Variants in MACROD2 observed in about 807,000 individuals in gnomAD.
MACROD2 encodes mono-ADP ribosylhydrolase 2.
A neutral mutation model predicts 70.4 loss-of-function variants in MACROD2; 36 were observed. The observed-to-expected ratio is 0.51, with a 90% CI of 0.39 to 0.68. The LOEUF is 0.68. Among genes scored for constraint, MACROD2 ranks in the 30% least tolerant of loss-of-function variants. MACROD2 has a pLI of 0.00. For missense variants in MACROD2, 496 were observed against 538.4 expected, an observed-to-expected ratio of 0.92 and a Z score of 0.78; for synonymous variants, 172 against 178.8, an observed-to-expected ratio of 0.96 and a Z score of 0.30.
intron 8 of MACROD2, among the ~76,000 whole-genome samples, chr20:15,608,420 C>T (rs200738): frequency 1.1e-4 from 16 of 152,010 alleles, no homozygotes; most frequent in East Asian, 9.7e-4. Flanking sequence ...CCTTTCTCTG[C>T]GTAGCTGTTA....
At chr20:15,120,935 A>G (rs1270829688) in intron 5 of MACROD2, among the ~76,000 whole-genome samples, 2 of 152,066 alleles carry the variant, frequency 1.3e-5, no homozygotes, top group Non-Finnish European at 2.9e-5. Flanking sequence ...TCAACCATTA[A>G]CACCATACCT....
chr20:14,251,122 G>A (rs2082008930), intron 3 of MACROD2, among the ~76,000 whole-genome samples: 1 of 152,060 alleles, frequency 6.6e-6, no homozygotes, highest in Non-Finnish European at 1.5e-5. Context: ...ATGTGTTTGA[G>A]GACCTATGTA....
At chr20:14,235,707 A>G (rs1337133438) in intron 3 of MACROD2, among the ~76,000 whole-genome samples, 1 of 152,054 alleles carries the variant, frequency 6.6e-6, no homozygotes, top group Non-Finnish European at 1.5e-5. Context: ...TTTTTTCACG[A>G]TTCATTTAAC....
At chr20:14,915,040 G>A (rs1043525992) in intron 5 of MACROD2, among the ~76,000 whole-genome samples, 9 of 152,160 alleles carry the variant, frequency 5.9e-5, no homozygotes, top group African/African-American at 2.2e-4. Context: ...ACACATGGTT[G>A]GATTAAAAAT....
At chr20:14,204,681 C>G (rs2081508780) in intron 3 of MACROD2, among the ~76,000 whole-genome samples, 1 of 152,180 alleles carries the variant, frequency 6.6e-6, no homozygotes, top group Non-Finnish European at 1.5e-5. Context: ...CCGGCCAGGC[C>G]AGCTGTTTCA....
chr20:14,258,865 C>A (rs1400829781), intron 3 of MACROD2, among the ~76,000 whole-genome samples: 1 of 152,126 alleles, frequency 6.6e-6, no homozygotes, highest in Non-Finnish European at 1.5e-5. Context: ...AGTCTTTGAT[C>A]CATCTTGAGT....
At chr20:14,753,653 C>T (rs552160739) in intron 5 of MACROD2, among the ~76,000 whole-genome samples, 20 of 152,226 alleles carry the variant, frequency 1.3e-4, no homozygotes, top group Admixed American at 6.5e-4. Context: ...TCTTGCTTTA[C>T]ATTATCATGA....
At chr20:14,076,266 A>G (rs2053915162) in intron 2 of MACROD2, among the ~76,000 whole-genome samples, 1 of 152,196 alleles carries the variant, frequency 6.6e-6, no homozygotes. Flanking sequence ...AGGAAGCACT[A>G]TTCAAATTAT....
intron 5 of MACROD2, among the ~76,000 whole-genome samples, chr20:14,849,226 A>G (rs1343754188): frequency 1.3e-5 from 2 of 152,214 alleles, no homozygotes; most frequent in African/African-American, 4.8e-5. Context: ...TTGATGAAAT[A>G]TTCAGCCACT....
rs139760933 is a variant in MACROD2 at position 14,196,808 on chromosome 20, G to T, written c.271+111080G>T. On this transcript the variant is annotated intron_variant, in intron 3 of 17. Coordinates refer to ENST00000684519, the MANE Select transcript of MACROD2 (RefSeq NM_001351661.2). The stretch of plus-strand genomic sequence containing the variant: ...TCTAAATTCAGAAAATATGGTTGCT[G>T]ACAGCTCTTAGTTTTACATAATAAA... Among the ~76,000 whole-genome samples the T allele has an allele frequency of 8.0e-4, 122 of 152,306 alleles. 2 individuals carry two copies. The East Asian group carries it at 0.013, about 17-fold the overall frequency.
At chr20:15,984,194 T>C (rs1259199393) in intron 13 of MACROD2, among the ~76,000 whole-genome samples, 1 of 152,132 alleles carries the variant, frequency 6.6e-6, no homozygotes, top group Admixed American at 6.5e-5. Context: ...TACTTTAATG[T>C]CCAGTTCACA....
intron 3 of MACROD2, among the ~76,000 whole-genome samples, chr20:14,386,790 G>A (rs1274836070): frequency 2.0e-5 from 3 of 152,096 alleles, no homozygotes; most frequent in East Asian, 1.9e-4. Flanking sequence ...ACCCAGTATC[G>A]GGTGTTTCTT....
At chr20:14,740,391 A>C (rs2071719097) in intron 5 of MACROD2, among the ~76,000 whole-genome samples, 1 of 152,142 alleles carries the variant, frequency 6.6e-6, no homozygotes, top group African/African-American at 2.4e-5. Flanking sequence ...TCAACAAAAA[A>C]ACCCTGCTTG....
intron 2 of MACROD2, among the ~76,000 whole-genome samples, chr20:14,058,163 G>A (rs911080745): frequency 5.3e-5 from 8 of 152,044 alleles, no homozygotes; most frequent in Non-Finnish European, 8.8e-5. Context: ...AGATAATTCA[G>A]TGAGTTGTAA....
chr20:15,703,300 CCA>C lies in MACROD2; in HGVS notation c.646-159442_646-159441del, dbSNP rs1441584018. Among the ~76,000 whole-genome samples the C allele has an allele frequency of 2.0e-5, 3 of 152,276 alleles. No individual in the cohort carries two copies. The East Asian group carries it at 5.8e-4, about 29-fold the overall frequency. ...TACTATATCTTCCACCTGACATTTC[CCA>C]CAGTCTCAGCTCTGCATGGACCTGC... On this transcript the variant is annotated intron_variant, in intron 8 of 17. Coordinates refer to ENST00000684519, the MANE Select transcript of MACROD2 (RefSeq NM_001351661.2).
At chr20:15,495,397 A>G (rs899641257) in intron 7 of MACROD2, among the ~76,000 whole-genome samples, 3 of 152,212 alleles carry the variant, frequency 2.0e-5, no homozygotes, top group African/African-American at 7.2e-5. Context: ...TCCCCTTTTA[A>G]TTAATCACAA....
intron 5 of MACROD2, among the ~76,000 whole-genome samples, chr20:15,027,252 G>T (rs2075239043): frequency 6.6e-6 from 1 of 152,096 alleles, no homozygotes; most frequent in African/African-American, 2.4e-5. Flanking sequence ...TTTATTATAG[G>T]CATGTCCATC....
intron 8 of MACROD2, among the ~76,000 whole-genome samples, chr20:15,668,616 T>C (rs994063861): frequency 2.6e-5 from 4 of 152,200 alleles, no homozygotes; most frequent in African/African-American, 7.2e-5. Context: ...CGCATTTCAT[T>C]CACATCAAGA....
At chr20:14,167,788 A>G (rs1370340595) in intron 3 of MACROD2, among the ~76,000 whole-genome samples, 1 of 152,170 alleles carries the variant, frequency 6.6e-6, no homozygotes, top group African/African-American at 2.4e-5. Context: ...AATACTTTCT[A>G]TGTATAAAAT....
Sources: allele counts gnomAD v4.1 joint callset (sites outside exome capture counted in the v4.1 genomes callset), GRCh38; gene constraint gnomAD v4.1.1; transcripts MANE v1.5; gene names NCBI Gene and HGNC (gene_info 2026-07-23, HGNC 2026-07-21).